Variants in AOAH observed in about 807,000 individuals in gnomAD.
The protein encoded by AOAH is acyloxyacyl hydrolase (neutrophil).
AOAH carries 64 observed loss-of-function variants against 92.2 expected under a neutral mutation model. The ratio of observed to expected loss-of-function variants is 0.69; its 90% confidence interval spans 0.57 to 0.86. The LOEUF (loss-of-function observed/expected upper bound fraction) is 0.86. Among genes scored for constraint, AOAH ranks in the 40% least tolerant of loss-of-function variants. The pLI is 0.00. For missense variants in AOAH, 656 were observed against 694.6 expected (o/e 0.94, Z 0.62); for synonymous variants, 263 against 254.5 (o/e 1.03, Z -0.32).
chr7:36,556,041 G>C (rs1786680388), intron 13 of AOAH, among the ~76,000 whole-genome samples: 1 of 151,956 alleles, frequency 6.6e-6, no homozygotes, highest in Non-Finnish European at 1.5e-5. Context: ...GAATGTGTTT[G>C]CTCTTGTTTT....
At chr7:36,682,028 G>C (rs1796677075) in intron 2 of AOAH, among the ~76,000 whole-genome samples, 1 of 152,228 alleles carries the variant, frequency 6.6e-6, no homozygotes, top group East Asian at 1.9e-4. Flanking sequence ...TCCCCAGATA[G>C]CTGACAGGTG....
chr7:36,576,576 T>C lies in AOAH; in HGVS notation c.1019A>G (p.Asn340Ser), dbSNP rs1024281458. 3.2e-6 allele frequency: 5 copies of C among 1,549,690 alleles called. No individual in the cohort carries two copies. The African/African-American group carries it at 4.1e-5, about 13-fold the overall frequency. ...NHRDYQNISRNGASSRNLKKF... is the reference protein window; with the variant it reads ...NHRDYQNISRSGASSRNLKKF... The stretch of plus-strand genomic sequence containing the variant: ...GGCTTAAATGGAAAGTTACGTACCA[T>C]TTCTTGAAATATTCTGGTAGTCCCT... Residue 340 changes from asparagine to serine, a missense_variant and splice_region_variant, in exon 13 of 21, where the codon AAT becomes AGT. Coordinates refer to ENST00000617537, the MANE Select transcript of AOAH (RefSeq NM_001637.4).
chr7:36,549,352 A>G (rs1786024709), intron 14 of AOAH, 87 bp downstream of exon 14: 1 of 1,041,592 alleles, frequency 9.6e-7, no homozygotes, highest in South Asian at 1.3e-5. Flanking sequence ...ATGCTCAGTA[A>G]AAATGATTAT....
At chr7:36,539,805 C>T (rs937738663) in intron 16 of AOAH, among the ~76,000 whole-genome samples, 1 of 152,170 alleles carries the variant, frequency 6.6e-6, no homozygotes, top group South Asian at 2.1e-4. Context: ...GTTATTTGTA[C>T]AGTATCGAGA....
intron 5 of AOAH, among the ~76,000 whole-genome samples, chr7:36,633,704 G>A (rs1222141002): frequency 1.3e-5 from 2 of 152,110 alleles, no homozygotes; most frequent in African/African-American, 2.4e-5. Context: ...AAGCCGTGGA[G>A]GTGTCAGGCA....
chr7:36,558,224 G>T (rs951145248), intron 13 of AOAH, among the ~76,000 whole-genome samples: 5 of 152,158 alleles, frequency 3.3e-5, no homozygotes, highest in South Asian at 2.1e-4. Context: ...TCAGCTGCAG[G>T]TCTGTTGGAG....
At chr7:36,526,921 G>A (rs1236019547) in intron 19 of AOAH, among the ~76,000 whole-genome samples, 1 of 152,208 alleles carries the variant, frequency 6.6e-6, no homozygotes, top group East Asian at 1.9e-4. Flanking sequence ...GGAACCAAGA[G>A]CCAGGTTTAT....
At chr7:36,649,547 G>C (rs1794440344) in intron 4 of AOAH, among the ~76,000 whole-genome samples, 3 of 152,182 alleles carry the variant, frequency 2.0e-5, no homozygotes, top group African/African-American at 7.2e-5. Context: ...GCAAAAACAG[G>C]AGGTAAAGAA....
intron 19 of AOAH, among the ~76,000 whole-genome samples, chr7:36,525,859 C>G (rs1401784943): frequency 1.3e-5 from 2 of 152,182 alleles, no homozygotes; most frequent in African/African-American, 2.4e-5. Flanking sequence ...GATGACCATT[C>G]CCTTCTCCTT....
In AOAH at chr7:36,614,548, C is replaced by G. The variant is rs1791717720; in HGVS notation, c.846+1832G>C. 6.6e-6 allele frequency among the ~76,000 whole-genome samples: 1 copy of G among 152,210 alleles called. No individual in the cohort carries two copies. Among genetic ancestry groups the G allele is most frequent in the Non-Finnish European group, 1.5e-5 (1 of 68,030 alleles). On this transcript the variant is annotated intron_variant, in intron 11 of 20. Coordinates refer to ENST00000617537, the MANE Select transcript of AOAH (RefSeq NM_001637.4). The surrounding 1 kb of genome is among the most constrained non-coding windows in gnomAD (Gnocchi z 4.2). ...CTGGATCCTGTCTCCTGCCACCTCT[C>G]AAGATGGGTTCCTGGCCACTCACTC...
rs186013675 is a variant in AOAH, at chr7:36,610,736, C to A, written c.846+5644G>T. On this transcript the variant is annotated intron_variant, in intron 11 of 20. Transcript: ENST00000617537. ...CCACTCTGGGCAGTCATGCCTCCTT[C>A]CCCAATATCTTGATTGTGGTCACAT... Among the ~76,000 whole-genome samples the A allele has an allele frequency of 1.4e-3, 220 of 152,280 alleles. 1 individual carries two copies. Among genetic ancestry groups the A allele is most frequent in the East Asian group, 5.6e-3 (29 of 5,190 alleles).
At chr7:36,673,134 TA>T (rs1311839870) in intron 3 of AOAH, among the ~76,000 whole-genome samples, 4 of 152,090 alleles carry the variant, frequency 2.6e-5, no homozygotes, top group African/African-American at 7.2e-5. Flanking sequence ...GTATTCAAAG[TA>T]ACTAAATAAG....
intron 15 of AOAH, 95 bp from the exon 16 acceptor site, chr7:36,540,586 GCACA>G (rs150931610): frequency 2.8e-5 from 29 of 1,022,344 alleles, no homozygotes; most frequent in Non-Finnish European, 3.5e-5. Context: ...ACACACATAC[GCACA>G]CACACACACA....
At chr7:36,542,214 C>G (rs940659119) in intron 15 of AOAH, among the ~76,000 whole-genome samples, 4 of 152,098 alleles carry the variant, frequency 2.6e-5, no homozygotes, top group Non-Finnish European at 5.9e-5. Flanking sequence ...CTGCCACAAG[C>G]CAAAGAGTGC....
chr7:36,628,370 A>G (rs1489415496), intron 6 of AOAH, among the ~76,000 whole-genome samples: 1 of 152,214 alleles, frequency 6.6e-6, no homozygotes, highest in African/African-American at 2.4e-5. Flanking sequence ...TTAAAACAGA[A>G]CACCAAAAAA....
chr7:36,696,524 A>G (rs1176988396), intron 1 of AOAH, among the ~76,000 whole-genome samples: 2 of 152,130 alleles, frequency 1.3e-5, no homozygotes, highest in Non-Finnish European at 2.9e-5. Context: ...TATGAGTAAG[A>G]TTGTTTTCTT....
intron 12 of AOAH, among the ~76,000 whole-genome samples, chr7:36,592,468 G>C (rs751607710): frequency 3.9e-5 from 6 of 152,188 alleles, no homozygotes; most frequent in African/African-American, 4.8e-5. Context: ...ACTTCTCTTG[G>C]TTCTTAGTCA....
At position 36,713,516 on chromosome 7, in the gene AOAH, A is replaced by G. The variant is rs192842824; in HGVS notation, c.127+10506T>C. Among the ~76,000 whole-genome samples the G allele has an allele frequency of 8.0e-4, 122 of 152,372 alleles. 1 individual carries two copies. The East Asian group carries it at 0.023, about 28-fold the overall frequency. On this transcript the variant is annotated intron_variant, in intron 1 of 20. Transcript: ENST00000617537. The stretch of plus-strand genomic sequence containing the variant: ...ACAGAACTCTCCACCCCAAATCAAC[A>G]GAATATACTTTCTTTTCAGCACCAC...
At chr7:36,669,859 G>A (rs1481237305) in intron 3 of AOAH, among the ~76,000 whole-genome samples, 2 of 152,210 alleles carry the variant, frequency 1.3e-5, no homozygotes, top group Non-Finnish European at 2.9e-5. Flanking sequence ...TTAGAGAGAA[G>A]CATAAATAGA....
Sources: gnomAD v4.1 joint callset for allele counts (sites outside exome capture counted in the v4.1 genomes callset) on GRCh38, gnomAD v4.1.1 for gene constraint, Gnocchi (gnomAD v3.1) non-coding constraint, MANE v1.5 for transcripts, NCBI Gene and HGNC (gene_info 2026-07-23, HGNC 2026-07-21) for gene names.